Variants in PLB1 observed in about 807,000 individuals in gnomAD.
PLB1 encodes the protein phospholipase B1, membrane-associated.
PLB1 carries 242 observed loss-of-function variants against 227.4 expected under a neutral mutation model. The observed-to-expected ratio is 1.06, with a 90% CI of 0.96 to 1.18. The LOEUF (loss-of-function observed/expected upper bound fraction) is 1.18. Among genes scored for constraint, PLB1 ranks in the 50% most tolerant of loss-of-function variants. PLB1 has a pLI of 0.00. For synonymous variants in PLB1, 757 were observed against 682.2 expected (o/e 1.11, Z -1.71); for missense variants, 1,858 against 1,816.3 (o/e 1.02, Z -0.42).
chr2:28,585,933 G>A, intron 26 of PLB1, 91 bp downstream of exon 26: 1 of 1,207,284 alleles, frequency 8.3e-7, no homozygotes, highest in Non-Finnish European at 1.2e-6. Flanking sequence ...AGGTAATTTT[G>A]ACCCTGTGTG....
intron 25 of PLB1, among the ~76,000 whole-genome samples, chr2:28,583,573 C>G (rs1680415072): frequency 6.6e-6 from 1 of 152,188 alleles, no homozygotes; most frequent in African/African-American, 2.4e-5. Flanking sequence ...AGTGAAAACA[C>G]AGGTGCACAG....
intron 2 of PLB1, among the ~76,000 whole-genome samples, chr2:28,517,668 C>T (rs532788026): frequency 2.6e-5 from 4 of 151,976 alleles, no homozygotes; most frequent in East Asian, 1.9e-4. Flanking sequence ...AAATATAAAA[C>T]GGGATTGATT....
intron 56 of PLB1, 25 bp downstream of exon 56, chr2:28,633,064 C>T (rs758415114): frequency 1.9e-6 from 3 of 1,589,994 alleles, no homozygotes; most frequent in South Asian, 1.1e-5. Flanking sequence ...GCCTGGTGGG[C>T]CTTGTCAAGG....
intron 1 of PLB1, among the ~76,000 whole-genome samples, chr2:28,514,995 T>C (rs1668677426): frequency 6.6e-6 from 1 of 152,138 alleles, no homozygotes; most frequent in Non-Finnish European, 1.5e-5. Context: ...TAAAAGGCCA[T>C]TTAACCTTTT....
In PLB1 at chr2:28,643,096, AGCCACTCTCTTCACC is replaced by A. The variant is rs1386751907; in HGVS notation, c.*39_*53del. On this transcript the variant is annotated 3_prime_UTR_variant, in exon 58 of 58. Coordinates refer to ENST00000327757, the MANE Select transcript of PLB1 (RefSeq NM_153021.5). ...TGGGTCCTCACCCTAAACTCCCTAT[AGCCACTCTCTTCACC>A]GCCCTCTGCCCCAGCCACTCCCGGC... is the stretch of plus-strand genomic sequence containing the variant. 5 of 1,529,076 alleles carry A rather than the reference AGCCACTCTCTTCACC, an allele frequency of 3.3e-6. No homozygotes were observed. Among genetic ancestry groups the A allele is most frequent in the Non-Finnish European group, 4.4e-6 (5 of 1,131,138 alleles). The allele number at this position is 1,529,076 out of a possible 1,614,324, so 94.7% of individuals were successfully genotyped here.
rs543383553 is a variant in PLB1, at chr2:28,567,714, T to C, written c.1324+875T>C. Among the ~76,000 whole-genome samples, 1,058 of 152,254 alleles carry C rather than the reference T, an allele frequency of 6.9e-3. 6 individuals carry two copies. Among genetic ancestry groups the C allele is most frequent in the Middle Eastern group, 0.014 (4 of 294 alleles). On this transcript the variant is annotated intron_variant, in intron 20 of 57. Coordinates refer to ENST00000327757, the MANE Select transcript of PLB1 (RefSeq NM_153021.5). ...GTCTCGATTTCCTGACTTCGTGATCTGCCCGCCTTGGCCTCCCAAAGTGCT... is the reference window on the plus strand; with the variant it reads ...GTCTCGATTTCCTGACTTCGTGATCCGCCCGCCTTGGCCTCCCAAAGTGCT...
chr2:28,604,912 C>G (rs1342578323), intron 41 of PLB1, among the ~76,000 whole-genome samples, 153 bp downstream of exon 41: 1 of 152,206 alleles, frequency 6.6e-6, no homozygotes, highest in Non-Finnish European at 1.5e-5. Context: ...ACGCCTGAGC[C>G]ACATCCGTAT....
At chr2:28,523,489 A>G (rs6758090) in intron 4 of PLB1, among the ~76,000 whole-genome samples, 54,475 of 151,852 alleles carry the variant, frequency 0.36, 11,584 homozygotes, top group African/African-American at 0.59. Flanking sequence ...CATAAGGCAC[A>G]CATTCAGCAA....
intron 14 of PLB1, among the ~76,000 whole-genome samples, chr2:28,545,257 G>A (rs1673068212): frequency 7.2e-6 from 1 of 139,820 alleles, no homozygotes; most frequent in Admixed American, 7.2e-5. Flanking sequence ...CCCAGTGCCA[G>A]TGCAAACCCC....
chr2:28,620,933 A>AG lies in PLB1; in HGVS notation c.3486dup (p.Thr1163AspfsTer14). ...CTTGGCTTCTCTACCAGCACCTGGG[A>AG]GGGGACAGCAGGACTAAATGTGGCA... On this transcript the variant is annotated frameshift_variant, in exon 49 of 58. Transcript: ENST00000327757. LOFTEE classifies it high-confidence loss of function. The AG allele has an allele frequency of 2.5e-6, 4 of 1,613,762 alleles. No individual in the cohort carries two copies. The highest frequency in any genetic ancestry group is 3.4e-6 in the Non-Finnish European group (4 of 1,179,840).
At chr2:28,517,203 C>G (rs1369937987) in intron 2 of PLB1, among the ~76,000 whole-genome samples, 1 of 152,180 alleles carries the variant, frequency 6.6e-6, no homozygotes, top group Non-Finnish European at 1.5e-5. Flanking sequence ...CCAGAACATC[C>G]ATAAGATAAG....
At chr2:28,561,018 C>T (rs747208520) in intron 17 of PLB1, among the ~76,000 whole-genome samples, 4 of 152,234 alleles carry the variant, frequency 2.6e-5, no homozygotes, top group Non-Finnish European at 5.9e-5. Flanking sequence ...ATTCCTGAGG[C>T]TTAATTCAAA....
Position 28,628,609 on chromosome 2 carries a change from T to G in PLB1, c.3707T>G (p.Leu1236Arg). The G allele has an allele frequency of 6.2e-7, 1 of 1,614,166 alleles. No homozygotes were observed. Among genetic ancestry groups the G allele is most frequent in the East Asian group, 2.2e-5 (1 of 44,868 alleles). Reference protein sequence around the residue: ...TEYVQHIQQALDILSEELPRA... With the variant: ...TEYVQHIQQARDILSEELPRA... ...TATGTTCAGCACATCCAACAGGCCCTGGACATCCTCTCTGAGGAGGTAGGA... is the reference window on the plus strand; with the variant it reads ...TATGTTCAGCACATCCAACAGGCCCGGGACATCCTCTCTGAGGAGGTAGGA... The change falls in exon 52 of 58, where the codon CTG (leucine) becomes CGG (arginine). Residue 1236 changes from leucine to arginine, a missense_variant. Physicochemically the swap from Leu to Arg is moderately radical, Grantham distance 102 (BLOSUM62 -2). Transcript: ENST00000327757.
At position 28,593,573 on chromosome 2, in the gene PLB1, G is replaced by A. The variant is rs118083038; in HGVS notation, c.2248-108G>A. On this transcript the variant is annotated intron_variant, in intron 32 of 57. Transcript: ENST00000327757. ...GGCTCCTGGTTCCATGTCTGCTCCT[G>A]CCACCACGAGTGCATTGGGAACCCC... 1,152 of 878,108 alleles carry A rather than the reference G, an allele frequency of 1.3e-3. 19 individuals are homozygous for A. In the East Asian group the frequency reaches 0.03, roughly 23 times the overall value. 54.4% of individuals were successfully genotyped at this position (878,108 alleles called of 1,614,324 possible).
At chr2:28,608,106 C>G (rs1329311328) in intron 43 of PLB1, among the ~76,000 whole-genome samples, 1 of 152,158 alleles carries the variant, frequency 6.6e-6, no homozygotes, top group African/African-American at 2.4e-5. Context: ...AGACAGAGCC[C>G]AATGGAGCCA....
intron 8 of PLB1, 92 bp downstream of exon 8, chr2:28,529,871 A>G (rs1670790256): frequency 8.7e-6 from 11 of 1,260,188 alleles, no homozygotes; most frequent in Non-Finnish European, 1.3e-5. Flanking sequence ...GTACCATTTT[A>G]CCATGAACTC....
intron 26 of PLB1, among the ~76,000 whole-genome samples, chr2:28,586,117 T>C (rs1680869734): frequency 6.6e-6 from 1 of 152,208 alleles, no homozygotes. Context: ...TGGGCAAACA[T>C]GGATCATGGA....
chr2:28,579,807 T>C lies in PLB1; in HGVS notation c.1566+100T>C, dbSNP rs1455847004. ...GGGAGGAGTACAGCTAAGTTGGGACTCAGGCTCATGGTTTGTCTTGGATCC... is the reference window on the plus strand; with the variant it reads ...GGGAGGAGTACAGCTAAGTTGGGACCCAGGCTCATGGTTTGTCTTGGATCC... On this transcript the variant is annotated intron_variant, in intron 23 of 57. Coordinates refer to ENST00000327757, the MANE Select transcript of PLB1 (RefSeq NM_153021.5). 4.0e-6 allele frequency: 4 copies of C among 1,005,876 alleles called. No individual in the cohort carries two copies. In the African/African-American group the frequency reaches 4.8e-5, roughly 12 times the overall value. 62.3% of individuals were successfully genotyped at this position (1,005,876 alleles called of 1,614,324 possible).
intron 11 of PLB1, among the ~76,000 whole-genome samples, chr2:28,539,646 AAAG>A (rs1672186930): frequency 6.6e-6 from 1 of 152,132 alleles, no homozygotes; most frequent in South Asian, 2.1e-4. Context: ...TGGACCTAGA[AAAG>A]AAGTTCATGT....
Sources: allele counts gnomAD v4.1 joint callset (sites outside exome capture counted in the v4.1 genomes callset), GRCh38; gene constraint gnomAD v4.1.1; transcripts MANE v1.5; gene names NCBI Gene and HGNC (gene_info 2026-07-23, HGNC 2026-07-21).